The following CNTNAP2 variants were observed in gnomAD, a reference collection of about 807,000 sequenced individuals.
CNTNAP2 encodes the protein contactin associated protein 2, also known as contactin-associated protein-like 2.
A neutral mutation model predicts 155.2 loss-of-function variants in CNTNAP2; 98 were observed. The ratio of observed to expected loss-of-function variants is 0.63; its 90% CI spans 0.54 to 0.75. CNTNAP2 has a LOEUF of 0.75. Ranked by LOEUF, CNTNAP2 falls within the 30% of genes least tolerant of loss-of-function variation. The pLI, the probability that CNTNAP2 is intolerant of heterozygous loss-of-function variation, is 0.00. For synonymous variants in CNTNAP2, 651 were observed against 631.2 expected (o/e 1.03, Z -0.47); for missense variants, 1,727 against 1,688.1 (o/e 1.02, Z -0.40).
intron 13 of CNTNAP2, among the ~76,000 whole-genome samples, chr7:147,900,990 G>A (rs1799859570): frequency 6.6e-6 from 1 of 152,012 alleles, no homozygotes; most frequent in Non-Finnish European, 1.5e-5. Flanking sequence ...CTAGACTTTT[G>A]ATGATGATCT....
chr7:146,996,656 CA>C (rs968056511), intron 3 of CNTNAP2, among the ~76,000 whole-genome samples: 2 of 152,020 alleles, frequency 1.3e-5, no homozygotes, highest in African/African-American at 4.8e-5. Flanking sequence ...CAGCTGCAAA[CA>C]AGGATACTTT....
chr7:148,331,374 A>AAT (rs1798006210), intron 21 of CNTNAP2, among the ~76,000 whole-genome samples: 1 of 60,052 alleles, frequency 1.7e-5, no homozygotes, highest in Non-Finnish European at 3.2e-5. Context: ...GGAGGGATGG[A>AAT]GTGGATGGAG....
At chr7:146,687,015 C>G (rs1485355623) in intron 1 of CNTNAP2, among the ~76,000 whole-genome samples, 1 of 152,066 alleles carries the variant, frequency 6.6e-6, no homozygotes, top group Non-Finnish European at 1.5e-5. Context: ...GTTTATATGC[C>G]TAACTAGCAT....
chr7:146,389,703 C>CTTTTT (rs750823074), intron 1 of CNTNAP2, among the ~76,000 whole-genome samples: 1 of 129,016 alleles, frequency 7.8e-6, no homozygotes, highest in Admixed American at 7.8e-5. Context: ...TTTCTTTTTT[C>CTTTTT]TTTTTTTTTT....
chr7:147,033,846 A>C (rs1324524044), intron 3 of CNTNAP2, among the ~76,000 whole-genome samples: 1 of 151,942 alleles, frequency 6.6e-6, no homozygotes, highest in East Asian at 1.9e-4. Context: ...GCAAACTCCC[A>C]AATTGGGGCT....
intron 10 of CNTNAP2, among the ~76,000 whole-genome samples, chr7:147,463,873 A>C (rs2116593245): frequency 6.6e-6 from 1 of 151,352 alleles, no homozygotes; most frequent in East Asian, 2.0e-4. Context: ...CTACAAAAGT[A>C]ATGTCAGAAA....
chr7:147,711,929 T>C (rs902415534), intron 13 of CNTNAP2, among the ~76,000 whole-genome samples: 4 of 152,192 alleles, frequency 2.6e-5, no homozygotes, highest in African/African-American at 9.7e-5. Context: ...CAAGAACTTA[T>C]TATAATAGTG....
chr7:148,086,806 GGAGATTCA>G (rs1803739709), intron 15 of CNTNAP2, among the ~76,000 whole-genome samples: 1 of 152,158 alleles, frequency 6.6e-6, no homozygotes. Flanking sequence ...AGGTGTCTAA[GGAGATTCA>G]GACACTAGCC....
At chr7:146,842,993 A>ATTTT (rs1257696854) in intron 3 of CNTNAP2, among the ~76,000 whole-genome samples, 10 of 24,230 alleles carry the variant, frequency 4.1e-4, no homozygotes, top group Non-Finnish European at 6.2e-4. Flanking sequence ...CCTGTCCCAC[A>ATTTT]CTTTTTTTTT....
intron 2 of CNTNAP2, 47 bp downstream of exon 2, chr7:146,774,428 A>G: frequency 7.6e-7 from 1 of 1,312,536 alleles, no homozygotes; most frequent in East Asian, 2.4e-5. Context: ...TTAAATAAGA[A>G]CATGTTATAT....
intron 1 of CNTNAP2, among the ~76,000 whole-genome samples, chr7:146,663,945 G>A (rs974684450): frequency 2.0e-5 from 3 of 151,980 alleles, no homozygotes; most frequent in African/African-American, 7.2e-5. Context: ...TTTCTTCCCA[G>A]TCTTAGGGGA....
chr7:147,268,892 A>T (rs1584832514), intron 8 of CNTNAP2, among the ~76,000 whole-genome samples: 2 of 152,184 alleles, frequency 1.3e-5, no homozygotes, highest in African/African-American at 4.8e-5. Context: ...GCTTTATACA[A>T]ATTGGAGGTA....
intron 13 of CNTNAP2, among the ~76,000 whole-genome samples, chr7:147,748,145 A>T (rs1797075787): frequency 6.6e-6 from 1 of 152,236 alleles, no homozygotes; most frequent in African/African-American, 2.4e-5. Context: ...GGAGATATAA[A>T]TGCAAATGAC....
chr7:147,152,910 G>A (rs972764267), intron 8 of CNTNAP2, among the ~76,000 whole-genome samples: 3 of 152,120 alleles, frequency 2.0e-5, no homozygotes, highest in Non-Finnish European at 4.4e-5. Context: ...CCAAAGCATA[G>A]TAAGTCTGAT....
chr7:147,983,971 T>G (rs902648715), intron 15 of CNTNAP2, among the ~76,000 whole-genome samples: 2 of 152,178 alleles, frequency 1.3e-5, no homozygotes, highest in Non-Finnish European at 2.9e-5. Context: ...TATTCATAGA[T>G]GTGAATTTTC....
intron 1 of CNTNAP2, among the ~76,000 whole-genome samples, chr7:146,738,983 T>C (rs371430353): frequency 1.3e-5 from 2 of 151,952 alleles, no homozygotes; most frequent in African/African-American, 4.8e-5. Flanking sequence ...GCATCAGTTA[T>C]AACGTCTCGT....
At chr7:147,368,096 T>TCA (rs5888250) in intron 9 of CNTNAP2, among the ~76,000 whole-genome samples, 4,652 of 116,988 alleles carry the variant, frequency 0.04, 112 homozygotes, top group African/African-American at 0.065. Flanking sequence ...TCTCTCTCTG[T>TCA]CACACACACA....
Position 147,657,974 on chromosome 7 carries a change from T to TTAATGAATTTTCCACAAACCTAA in CNTNAP2, c.2098+18668_2098+18669insTAATGAATTTTCCACAAACCTAA, listed in dbSNP as rs1584883354. ...ACGCTGTCTCTTAAGATAGCCGACC[T>TTAATGAATTTTCCACAAACCTAA]GGCCGGGCGCGGTGGCTCACGCCTG... On this transcript the variant is annotated intron_variant, in intron 13 of 23. Coordinates refer to ENST00000361727, the MANE Select transcript of CNTNAP2 (RefSeq NM_014141.6). Among the ~76,000 whole-genome samples the TTAATGAATTTTCCACAAACCTAA allele has an allele frequency of 2.0e-5, 3 of 148,790 alleles. No individual in the cohort carries two copies. In the Admixed American group the frequency reaches 2.1e-4, roughly 10 times the overall value.
chr7:147,974,889 G>A (rs926181757), intron 14 of CNTNAP2, among the ~76,000 whole-genome samples: 3 of 151,818 alleles, frequency 2.0e-5, no homozygotes, highest in Middle Eastern at 3.4e-3. Flanking sequence ...ATTCATAATA[G>A]CCAAACACTG....
Sources: gnomAD v4.1 joint callset for allele counts (sites outside exome capture counted in the v4.1 genomes callset) on GRCh38, gnomAD v4.1.1 for gene constraint, MANE v1.5 for transcripts, NCBI Gene and HGNC (gene_info 2026-07-23, HGNC 2026-07-21) for gene names.